HERC2: variants seen among roughly 807,000 people sequenced by gnomAD.
HERC2 encodes the protein E3 ubiquitin-protein ligase HERC2.
In HERC2, 102 loss-of-function variants were observed where a neutral mutation model predicts 537.7. The ratio of observed to expected loss-of-function variants is 0.19; its 90% CI spans 0.16 to 0.22. The LOEUF is 0.22. Among genes scored for constraint, HERC2 ranks in the 10% least tolerant of loss-of-function variants. The pLI is 1.00. For synonymous variants in HERC2, 2,224 were observed against 2,466.2 expected (o/e 0.90, Z 2.91); for missense variants, 4,236 against 6,198.2 (o/e 0.68, Z 10.63).
intron 2 of HERC2, among the ~76,000 whole-genome samples, chr15:28,301,614 G>A (rs1183695549): frequency 7.0e-6 from 1 of 143,256 alleles, no homozygotes; most frequent in African/African-American, 2.6e-5. Flanking sequence ...CTGCGTATGC[G>A]ACAGAAGCTC....
chr15:28,214,579 G>A (rs1452526578), intron 40 of HERC2, 76 bp downstream of exon 40: 19 of 1,520,322 alleles, frequency 1.2e-5, no homozygotes, highest in Non-Finnish European at 1.7e-5. Context: ...CACAGGGAAG[G>A]GAAACGGCCA....
At chr15:28,321,578 C>T in intron 1 of HERC2, 114 bp from the exon 2 acceptor site, 1 of 481,584 alleles carries the variant, frequency 2.1e-6, no homozygotes, top group Non-Finnish European at 3.4e-6. Context: ...GAGAGAAGAG[C>T]TGGTGGAGGG....
chr15:28,264,618 C>T (rs1323763680), intron 14 of HERC2, among the ~76,000 whole-genome samples: 24 of 152,196 alleles, frequency 1.6e-4, no homozygotes, highest in Admixed American at 1.6e-3. Context: ...AAGACAATGT[C>T]TGCAGCCCTA....
intron 2 of HERC2, among the ~76,000 whole-genome samples, chr15:28,308,631 T>C (rs1486394375): frequency 3.3e-5 from 5 of 152,258 alleles, no homozygotes; most frequent in Admixed American, 1.3e-4. Flanking sequence ...ATGTTCCAGA[T>C]CTTAGAGGAA....
intron 70 of HERC2, among the ~76,000 whole-genome samples, chr15:28,151,263 G>A (rs1272169096): frequency 6.6e-6 from 1 of 152,162 alleles, no homozygotes; most frequent in African/African-American, 2.4e-5. Context: ...AGAGACAGAT[G>A]TAACAGAAGA....
At chr15:28,298,799 C>T (rs1052506671) in intron 3 of HERC2, among the ~76,000 whole-genome samples, 1 of 151,210 alleles carries the variant, frequency 6.6e-6, no homozygotes, top group Non-Finnish European at 1.5e-5. Context: ...CCTTCCCCCC[C>T]AAAAAAAAGA....
At position 28,215,766 on chromosome 15, in the gene HERC2, C is replaced by T. The variant is rs769865842; in HGVS notation, c.6065G>A (p.Arg2022Gln). ...CACAAACCCCAGCGTGCACCAGCTCCGGTGTTGCTCCCTGTACACCAGCCT... is the reference window on the plus strand; with the variant it reads ...CACAAACCCCAGCGTGCACCAGCTCTGGTGTTGCTCCCTGTACACCAGCCT... ...PNRLVYREQH[R>Q]SWCTLGFVRS... The change falls in exon 39 of 93, where the codon CGG (arginine) becomes CAG (glutamine). Residue 2022 changes from arginine to glutamine, a missense_variant. This residue lies in a region of HERC2 where 365 missense variants were observed against 468.8 expected (regional missense o/e 0.78). Coordinates refer to ENST00000261609, the MANE Select transcript of HERC2 (RefSeq NM_004667.6). 77 of 1,611,674 alleles carry T rather than the reference C, an allele frequency of 4.8e-5. No individual in the cohort carries two copies. The highest frequency in any genetic ancestry group is 5.0e-5 in the Admixed American group (3 of 60,000).
intron 7 of HERC2, among the ~76,000 whole-genome samples, chr15:28,273,744 TC>T (rs2141007752): frequency 6.6e-6 from 1 of 152,338 alleles, no homozygotes; most frequent in South Asian, 2.1e-4. Flanking sequence ...TCCCTCTGCA[TC>T]TGTCCTTCCT....
At chr15:28,250,636 G>A (rs1251622884) in intron 20 of HERC2, among the ~76,000 whole-genome samples, 1 of 152,148 alleles carries the variant, frequency 6.6e-6, no homozygotes, top group Non-Finnish European at 1.5e-5. Context: ...TTTTTGGCAA[G>A]CAGCGATTTC....
chr15:28,114,178 G>T (rs954440423), intron 90 of HERC2, among the ~76,000 whole-genome samples: 3 of 152,190 alleles, frequency 2.0e-5, no homozygotes, highest in Non-Finnish European at 4.4e-5. Context: ...GCTGTGGGTG[G>T]TGGTAATGAC....
chr15:28,218,789 G>C (rs962849903), intron 37 of HERC2, 118 bp from the exon 38 acceptor site: 3 of 954,336 alleles, frequency 3.1e-6, no homozygotes, highest in African/African-American at 3.2e-5. Flanking sequence ...TTGAATTTTA[G>C]TGCAGTTTTA....
intron 2 of HERC2, among the ~76,000 whole-genome samples, chr15:28,318,939 C>T (rs1389807919): frequency 6.6e-6 from 1 of 150,742 alleles, no homozygotes; most frequent in Non-Finnish European, 1.5e-5. Flanking sequence ...ATGTATTATT[C>T]ATTACCCAGG....
At chr15:28,198,800 C>T in intron 48 of HERC2, 31 bp from the exon 49 acceptor site, 1 of 1,570,044 alleles carries the variant, frequency 6.4e-7, no homozygotes, top group Non-Finnish European at 8.7e-7. Flanking sequence ...GAGATCCAGT[C>T]CATCATGTAC....
chr15:28,196,452 A>G lies in HERC2; in HGVS notation c.8120+9T>C. 1 of 1,607,642 alleles carries G rather than the reference A, an allele frequency of 6.2e-7. No individual in the cohort carries two copies. The highest frequency in any genetic ancestry group is 8.5e-7 in the Non-Finnish European group (1 of 1,175,298). On this transcript the variant is annotated intron_variant, in intron 51 of 92. Coordinates refer to ENST00000261609, the MANE Select transcript of HERC2 (RefSeq NM_004667.6). Reference sequence around the variant, plus strand: ...CAAAGCAAATCTAGCAACCATAAAAATAACTCACGTAACCCCAGGATGAAT... The same window carrying G: ...CAAAGCAAATCTAGCAACCATAAAAGTAACTCACGTAACCCCAGGATGAAT...
At chr15:28,307,455 T>A (rs1342543895) in intron 2 of HERC2, among the ~76,000 whole-genome samples, 2 of 152,236 alleles carry the variant, frequency 1.3e-5, no homozygotes, top group African/African-American at 2.4e-5. Flanking sequence ...AGATGTATCA[T>A]TAGGTTATTT....
intron 55 of HERC2, among the ~76,000 whole-genome samples, chr15:28,189,465 A>G (rs538829421): frequency 6.6e-6 from 1 of 152,388 alleles, no homozygotes; most frequent in South Asian, 2.1e-4. Context: ...AGTAAAATGC[A>G]TTAAAACTCA....
chr15:28,131,578 A>G (rs562587482), intron 81 of HERC2, among the ~76,000 whole-genome samples: 1 of 152,298 alleles, frequency 6.6e-6, no homozygotes, highest in African/African-American at 2.4e-5. Context: ...GCCTGCAGCC[A>G]CCGGGCTTGA....
At position 28,265,495 on chromosome 15, in the gene HERC2, C is replaced by T. The variant is rs2075537853; in HGVS notation, c.1870+123G>A. 3 of 750,968 alleles carry T rather than the reference C, an allele frequency of 4.0e-6. No homozygotes were observed. Among genetic ancestry groups the T allele is most frequent in the Non-Finnish European group, 6.7e-6 (3 of 444,904 alleles). 46.5% of individuals were successfully genotyped at this position (750,968 alleles called of 1,614,324 possible). A position where few individuals can be genotyped will look rare whatever the true frequency, so the allele number is the denominator to read the frequency against. On this transcript the variant is annotated intron_variant, in intron 14 of 92. Coordinates refer to ENST00000261609, the MANE Select transcript of HERC2 (RefSeq NM_004667.6). This position sits in a 1 kb window ranked among gnomAD's most constrained non-coding sequence, Gnocchi z 4.0. The stretch of plus-strand genomic sequence containing the variant: ...CCTCTTCCCCAATGCCACTGAGCCC[C>T]ACACCCACTGGGCGACAGGGTGGGT...
At chr15:28,292,744 G>C (rs1486997937) in intron 4 of HERC2, 144 bp downstream of exon 4, 1 of 804,448 alleles carries the variant, frequency 1.2e-6, no homozygotes, top group Non-Finnish European at 2.0e-6. Context: ...AAGTTTTATG[G>C]TATGTATATT....
Sources: allele counts gnomAD v4.1 joint callset (sites outside exome capture counted in the v4.1 genomes callset), GRCh38; gene constraint gnomAD v4.1.1; regional missense constraint gnomAD v4.1.1; non-coding constraint Gnocchi (gnomAD v3.1); transcripts MANE v1.5; gene names NCBI Gene and HGNC (gene_info 2026-07-23, HGNC 2026-07-21).